PIK3CD: variants seen among roughly 807,000 people sequenced by gnomAD.
The protein encoded by PIK3CD is phosphatidylinositol-4,5-bisphosphate 3-kinase catalytic subunit delta.
In PIK3CD, 20 loss-of-function variants were observed where a neutral mutation model predicts 122.9. The observed-to-expected ratio is 0.16, with a 90% CI of 0.11 to 0.24. The LOEUF is 0.24. Ranked by LOEUF, PIK3CD falls within the 10% of genes least tolerant of loss-of-function variation. The pLI, the probability that PIK3CD is intolerant of heterozygous loss-of-function variation, is 1.00. For synonymous variants in PIK3CD, 596 were observed against 593.4 expected, an observed-to-expected ratio of 1.00 and a Z score of -0.06; for missense variants, 787 against 1,406.3, an observed-to-expected ratio of 0.56 and a Z score of 7.04.
chr1:9,713,753 G>C (rs2100816817), intron 3 of PIK3CD, among the ~76,000 whole-genome samples: 1 of 150,462 alleles, frequency 6.6e-6, no homozygotes, highest in Admixed American at 6.6e-5. Context: ...ACCATGCCTG[G>C]CTAATTTTAT....
At position 9,715,298 on chromosome 1, in the gene PIK3CD, C is replaced by T. The variant is rs1007795553; in HGVS notation, c.142-243C>T. On this transcript the variant is annotated intron_variant, in intron 3 of 23. Coordinates refer to ENST00000377346, the MANE Select transcript of PIK3CD (RefSeq NM_005026.5). This position sits in a 1 kb window ranked among gnomAD's most constrained non-coding sequence, Gnocchi z 4.1. ...CACTCTGGGAGGGGAGCCTGTAGGA[C>T]GTGGTGCCAGCCCCAGATCCCAGCA... Among the ~76,000 whole-genome samples the T allele has an allele frequency of 7.9e-5, 12 of 152,296 alleles. No homozygotes were observed. Among genetic ancestry groups the T allele is most frequent in the African/African-American group, 2.6e-4 (11 of 41,568 alleles).
rs562026514 is a variant in PIK3CD, at chr1:9,724,484, G to A, written c.2864+63G>A. 8.2e-6 allele frequency: 13 copies of A among 1,589,998 alleles called. No homozygotes were observed. In the South Asian group the frequency reaches 1.2e-4, roughly 15 times the overall value. ...TGGGGCCCCAGGGAACAGGGCAGAG[G>A]TTCCCAGGCAGGGTGCAGGATGGGG... On this transcript the variant is annotated intron_variant, in intron 22 of 23. Coordinates refer to ENST00000377346, the MANE Select transcript of PIK3CD (RefSeq NM_005026.5). The surrounding 1 kb of genome is among the most constrained non-coding windows in gnomAD (Gnocchi z 7.3).
At chr1:9,685,490 C>A (rs1645931787) in intron 1 of PIK3CD, among the ~76,000 whole-genome samples, 1 of 151,868 alleles carries the variant, frequency 6.6e-6, no homozygotes, top group South Asian at 2.1e-4. Context: ...TTCTGAGTAG[C>A]TGGGATCACA....
chr1:9,627,261 A>G, the PIK3CD span, among the ~76,000 whole-genome samples: 2 of 152,164 alleles, frequency 1.3e-5, no homozygotes, highest in Non-Finnish European at 2.9e-5. Context: ...TGCCCGGGGG[A>G]GACGCCGGCT....
intron 1 of PIK3CD, chr1:9,653,790 T>C (rs1232578129): frequency 7.3e-7 from 1 of 1,366,132 alleles, no homozygotes; most frequent in South Asian, 1.1e-5. Context: ...CATTTCTTGA[T>C]ATTAGGATTC....
At chr1:9,641,908 G>A in the PIK3CD span, among the ~76,000 whole-genome samples, 1 of 151,962 alleles carries the variant, frequency 6.6e-6, no homozygotes, top group Non-Finnish European at 1.5e-5. Flanking sequence ...CCCTTTCTTT[G>A]CCATCAACTT....
chr1:9,713,300 C>T (rs1267233886), intron 3 of PIK3CD, among the ~76,000 whole-genome samples: 4 of 152,144 alleles, frequency 2.6e-5, no homozygotes, highest in Non-Finnish European at 4.4e-5. Context: ...CATGATTTGC[C>T]ACTGCACTCC....
chr1:9,642,393 G>C, the PIK3CD span, among the ~76,000 whole-genome samples: 1 of 151,366 alleles, frequency 6.6e-6, no homozygotes, highest in East Asian at 2.0e-4. Flanking sequence ...GATTACAGGC[G>C]TGAGCCGCTG....
At chr1:9,680,538 T>C (rs1645710688) in intron 1 of PIK3CD, among the ~76,000 whole-genome samples, 1 of 146,810 alleles carries the variant, frequency 6.8e-6, no homozygotes, top group East Asian at 1.9e-4. Flanking sequence ...TCTCTCAGCC[T>C]CTGGCAACCA....
chr1:9,669,484 G>A (rs1019335500), intron 1 of PIK3CD, among the ~76,000 whole-genome samples: 2 of 152,194 alleles, frequency 1.3e-5, no homozygotes, highest in African/African-American at 2.4e-5. Context: ...ATTTTAGGAA[G>A]ACAGGAATTG....
rs1414657892 is a variant in PIK3CD, at chr1:9,724,420, C to T, written c.2863C>T (p.Arg955Trp). 2 of 1,614,034 alleles carry T rather than the reference C, an allele frequency of 1.2e-6. No homozygotes were observed. Among genetic ancestry groups the T allele is most frequent in the African/African-American group, 1.3e-5 (1 of 75,042 alleles). ...GACTAATAATAGTGAGAAATTTGAA[C>T]GGTGAGAGTGCCTGAGCCCCACCAG... ...GKTNNSEKFE[R>W]FRGYCERAYT... The change falls in exon 22 of 24, where the codon CGG becomes TGG. Residue 955 changes from arginine to tryptophan, a missense_variant and splice_region_variant. Arg to Trp is a moderately radical substitution (Grantham distance 101, BLOSUM62 -3). Transcript: ENST00000377346. This position sits in a 1 kb window ranked among gnomAD's most constrained non-coding sequence, Gnocchi z 7.3.
chr1:9,657,959 A>G (rs1412399004), intron 1 of PIK3CD, among the ~76,000 whole-genome samples: 2 of 151,910 alleles, frequency 1.3e-5, no homozygotes, highest in African/African-American at 4.8e-5. Context: ...GGCTCTCTGG[A>G]AGGGCTGGGC....
intron 1 of PIK3CD, among the ~76,000 whole-genome samples, chr1:9,675,046 G>GAAAGAA (rs1553160754): frequency 2.1e-5 from 3 of 143,162 alleles, no homozygotes; most frequent in African/African-American, 8.0e-5. Flanking sequence ...AAGAGAGAGA[G>GAAAGAA]AGAAAGAAAG....
chr1:9,656,707 C>T (rs1158648554), intron 1 of PIK3CD, among the ~76,000 whole-genome samples: 1 of 152,156 alleles, frequency 6.6e-6, no homozygotes, highest in Admixed American at 6.6e-5. Flanking sequence ...CTTTGGGAGG[C>T]TGAGGCGGGT....
At chr1:9,684,606 A>G (rs1038065633) in intron 1 of PIK3CD, among the ~76,000 whole-genome samples, 2 of 151,142 alleles carry the variant, frequency 1.3e-5, no homozygotes, top group South Asian at 2.1e-4. Context: ...TGTAATCCCA[A>G]CACTTTGTGA....
chr1:9,686,541 C>CG (rs1200048330), intron 1 of PIK3CD, among the ~76,000 whole-genome samples: 1 of 151,662 alleles, frequency 6.6e-6, no homozygotes, highest in African/African-American at 2.4e-5. Flanking sequence ...AAAATAGAGA[C>CG]GGGGGTCTCA....
chr1:9,683,799 T>C (rs1336181996), intron 1 of PIK3CD, among the ~76,000 whole-genome samples: 15 of 152,020 alleles, frequency 9.9e-5, no homozygotes, highest in Admixed American at 9.8e-4. Context: ...TCCCATGATA[T>C]CTGGAGTCAG....
chr1:9,701,029 C>G (rs1191959345), intron 2 of PIK3CD, among the ~76,000 whole-genome samples: 5 of 152,154 alleles, frequency 3.3e-5, no homozygotes, highest in Admixed American at 3.3e-4. Context: ...TCTCCGCAGT[C>G]CTTCCACACC....
At chr1:9,681,652 T>TG (rs1645757098) in intron 1 of PIK3CD, among the ~76,000 whole-genome samples, 1 of 152,170 alleles carries the variant, frequency 6.6e-6, no homozygotes, top group East Asian at 1.9e-4. Flanking sequence ...TCTGCTCGCC[T>TG]CCCCGCCTCG....
Sources: gnomAD v4.1 joint callset for allele counts (sites outside exome capture counted in the v4.1 genomes callset) on GRCh38, gnomAD v4.1.1 for gene constraint, Gnocchi (gnomAD v3.1) non-coding constraint, MANE v1.5 for transcripts, NCBI Gene and HGNC (gene_info 2026-07-23, HGNC 2026-07-21) for gene names.